GLDN: variants seen among roughly 807,000 people sequenced by gnomAD.
The protein encoded by GLDN is gliomedin.
Under a neutral mutation model 56.5 loss-of-function variants are expected in GLDN, and 47 were observed. That is an observed-to-expected ratio of 0.83 (90% CI 0.66 to 1.06). GLDN has a LOEUF of 1.06. Ranked by LOEUF, GLDN falls within the 50% of genes least tolerant of loss-of-function variation. The pLI, the probability that GLDN is intolerant of heterozygous loss-of-function variation, is 0.00. For synonymous variants in GLDN, 332 were observed against 278.8 expected, an observed-to-expected ratio of 1.19 and a Z score of -1.90; for missense variants, 782 against 714.3, an observed-to-expected ratio of 1.09 and a Z score of -1.08.
intron 1 of GLDN, among the ~76,000 whole-genome samples, chr15:51,354,207 C>A (rs2037132163): frequency 6.6e-6 from 1 of 152,164 alleles, no homozygotes; most frequent in African/African-American, 2.4e-5. Flanking sequence ...CTTGGAGGTC[C>A]TGCCTAGGCT....
At chr15:51,361,799 G>A (rs561265442) in intron 1 of GLDN, among the ~76,000 whole-genome samples, 3 of 152,236 alleles carry the variant, frequency 2.0e-5, no homozygotes, top group Admixed American at 1.3e-4. Flanking sequence ...GCGTGATTGC[G>A]CATGCTTGTA....
intron 5 of GLDN, among the ~76,000 whole-genome samples, chr15:51,396,122 C>A (rs778201613): frequency 6.6e-6 from 1 of 152,126 alleles, no homozygotes; most frequent in Admixed American, 6.6e-5. Flanking sequence ...CCACATCAGC[C>A]CCCTCCCCTT....
intron 9 of GLDN, among the ~76,000 whole-genome samples, 162 bp downstream of exon 9, chr15:51,401,905 A>G (rs2038260737): frequency 6.6e-6 from 1 of 152,044 alleles, no homozygotes; most frequent in Non-Finnish European, 1.5e-5. Context: ...GAATCACAGG[A>G]TATGTTAGTG....
chr15:51,381,637 C>G (rs1045366097), intron 2 of GLDN, among the ~76,000 whole-genome samples: 3 of 152,212 alleles, frequency 2.0e-5, no homozygotes, highest in South Asian at 4.1e-4. Context: ...TGCCTCCTAC[C>G]CAATCAGATG....
chr15:51,356,001 A>T (rs1372535073), intron 1 of GLDN, among the ~76,000 whole-genome samples: 2 of 149,278 alleles, frequency 1.3e-5, no homozygotes, highest in Admixed American at 6.7e-5. Context: ...AGGTCAGAAG[A>T]TCGAGACCAT....
In GLDN at chr15:51,383,683, GA is replaced by G. The variant is rs11306244; in HGVS notation, c.434-101del. On this transcript the variant is annotated intron_variant, in intron 3 of 9. Coordinates refer to ENST00000335449, the MANE Select transcript of GLDN (RefSeq NM_181789.4). ...TGGGAAAGGATGTGGAAAAGGAATT[GA>G]TGCCTGCTCAGTTTCACTGGTAAAG... The G allele has an allele frequency of 0.36, 368,456 of 1,009,720 alleles. 75,995 individuals are homozygous for G. Among genetic ancestry groups the G allele is most frequent in the African/African-American group, 0.81 (49,497 of 61,404 alleles). The allele number at this position is 1,009,720 out of a possible 1,614,324, so 62.5% of individuals were successfully genotyped here. A position where few individuals can be genotyped will look rare whatever the true frequency, so the allele number is the denominator to read the frequency against.
chr15:51,396,993 C>T (rs1176178599), intron 5 of GLDN, among the ~76,000 whole-genome samples: 1 of 152,210 alleles, frequency 6.6e-6, no homozygotes, highest in African/African-American at 2.4e-5. Context: ...TACCATGTTC[C>T]TCCATGCTGC....
chr15:51,404,204 A>T, intron 9 of GLDN, 73 bp from the exon 10 acceptor site: 10 of 1,187,100 alleles, frequency 8.4e-6, no homozygotes, highest in Non-Finnish European at 1.2e-5. Flanking sequence ...TCAGTTTAAT[A>T]GAGGAGCCTA....
Position 51,383,849 on chromosome 15 carries a change from C to A in GLDN, c.498C>A (p.Gly166=). The change falls in exon 4 of 10, where the codon GGC becomes GGA. Residue 166 remains glycine (G), a synonymous_variant. Coordinates refer to ENST00000335449, the MANE Select transcript of GLDN (RefSeq NM_181789.4). ...NGLDGQPGPQ[G]PKGEKGANGK... ...TGGATGGACAGCCTGGTCCTCAGGG[C>A]CCAAAAGGAGAAAAAGGAGCAAATG... 6.2e-7 allele frequency: 1 copy of A among 1,612,430 alleles called. No individual in the cohort carries two copies. The highest frequency in any genetic ancestry group is 8.5e-7 in the Non-Finnish European group (1 of 1,179,614).
chr15:51,413,207 T>A, the GLDN span, among the ~76,000 whole-genome samples: 8,647 of 152,294 alleles, frequency 0.057, 496 homozygotes, highest in African/African-American at 0.15. Flanking sequence ...TTAGGGTTTA[T>A]AATGTGTATG....
At chr15:51,365,570 G>A (rs1259941132) in intron 1 of GLDN, among the ~76,000 whole-genome samples, 1 of 152,034 alleles carries the variant, frequency 6.6e-6, no homozygotes. Context: ...ACAGGTCATC[G>A]AGGTTTGGAG....
At chr15:51,391,521 C>T (rs779601847) in intron 4 of GLDN, among the ~76,000 whole-genome samples, 3 of 152,174 alleles carry the variant, frequency 2.0e-5, no homozygotes, top group Non-Finnish European at 2.9e-5. Flanking sequence ...GCAATGCCCT[C>T]GTTTTTTGTC....
intron 2 of GLDN, among the ~76,000 whole-genome samples, chr15:51,380,787 A>T (rs565530308): frequency 6.6e-6 from 1 of 152,056 alleles, no homozygotes; most frequent in African/African-American, 2.4e-5. Flanking sequence ...TTCCATCCCC[A>T]ATTCTAGCCT....
At chr15:51,365,810 T>C (rs1256831379) in intron 1 of GLDN, among the ~76,000 whole-genome samples, 2 of 152,356 alleles carry the variant, frequency 1.3e-5, no homozygotes, top group East Asian at 3.8e-4. Flanking sequence ...ATGTATAGAA[T>C]GTTCTTTCCT....
Position 51,341,990 on chromosome 15 carries a change from G to T in GLDN, c.306G>T (p.Pro102=). The change falls in exon 1 of 10, where the codon CCG becomes CCT. Residue 102 remains proline (P), a synonymous_variant. Transcript: ENST00000335449. The stretch of plus-strand genomic sequence containing the variant: ...GCAGCCACAGCGGCGAGCCCGCGCC[G>T]CATATCCGCGCCGAGAGCCATGACA... ...NKRSHSGEPA[P]HIRAESHDML... 6.3e-7 allele frequency: 1 copy of T among 1,597,738 alleles called. No homozygotes were observed. The highest frequency in any genetic ancestry group is 8.5e-7 in the Non-Finnish European group (1 of 1,179,492).
At chr15:51,398,279 C>T (rs775068890) in intron 6 of GLDN, among the ~76,000 whole-genome samples, 5 of 152,228 alleles carry the variant, frequency 3.3e-5, no homozygotes, top group Non-Finnish European at 7.3e-5. Flanking sequence ...GTCAAGCCAA[C>T]CAAGAGCAAG....
chr15:51,361,074 A>G (rs139856927), intron 1 of GLDN, among the ~76,000 whole-genome samples: 194 of 152,368 alleles, frequency 1.3e-3, no homozygotes, highest in Non-Finnish European at 2.2e-3. Flanking sequence ...GAAGGGAACA[A>G]TGTGAGTACA....
intron 1 of GLDN, among the ~76,000 whole-genome samples, chr15:51,363,831 A>T (rs2141067994): frequency 6.6e-6 from 1 of 152,304 alleles, no homozygotes; most frequent in Middle Eastern, 3.4e-3. Context: ...AAGATTCTTT[A>T]TTTTACCTTT....
At chr15:51,413,207 T>G in the GLDN span, among the ~76,000 whole-genome samples, 1 of 152,192 alleles carries the variant, frequency 6.6e-6, no homozygotes, top group African/African-American at 2.4e-5. Context: ...TTAGGGTTTA[T>G]AATGTGTATG....
Sources: gnomAD v4.1 joint callset for allele counts (sites outside exome capture counted in the v4.1 genomes callset) on GRCh38, gnomAD v4.1.1 for gene constraint, MANE v1.5 for transcripts, NCBI Gene and HGNC (gene_info 2026-07-23, HGNC 2026-07-21) for gene names.